Variants in DNAAF8 observed in about 807,000 individuals in gnomAD.
DNAAF8 encodes the protein dynein axonemal assembly factor 8.
DNAAF8 carries 61 observed loss-of-function variants against 54.6 expected under a neutral mutation model. The observed-to-expected ratio is 1.12, with a 90% CI of 0.91 to 1.38. The LOEUF (loss-of-function observed/expected upper bound fraction) is 1.38, where lower values mean the gene tolerates loss of function less well. Ranked by LOEUF, DNAAF8 falls within the 40% of genes most tolerant of loss-of-function variation. The pLI, the probability that DNAAF8 is intolerant of heterozygous loss-of-function variation, is 0.00. For synonymous variants in DNAAF8, 320 were observed against 270.1 expected (o/e 1.18, Z -1.81); for missense variants, 837 against 665.0 (o/e 1.26, Z -2.85).
intron 5 of DNAAF8, chr16:4,743,853 G>C (rs954425218): frequency 1.3e-5 from 2 of 150,970 alleles, no homozygotes; most frequent in East Asian, 1.9e-4. Context: ...TGGAGGACAT[G>C]TGTGTGCATG....
At chr16:4,737,178 G>A (rs1334424347) in intron 2 of DNAAF8, among the ~76,000 whole-genome samples, 1 of 152,210 alleles carries the variant, frequency 6.6e-6, no homozygotes, top group African/African-American at 2.4e-5. Context: ...TCAGTGCACA[G>A]GTTGGCACTG....
chr16:4,740,304 C>G lies in DNAAF8; in HGVS notation c.428C>G (p.Pro143Arg). The G allele has an allele frequency of 6.2e-7, 1 of 1,613,324 alleles. No homozygotes were observed. The highest frequency in any genetic ancestry group is 8.5e-7 in the Non-Finnish European group (1 of 1,179,940). ...GCTCTTCTTGGGATGGCCGAGGAGC[C>G]CCCCAGGTGGCTGGAAGGCGACCTT... is the stretch of plus-strand genomic sequence containing the variant. ...VSALLGMAEE[P>R]PRWLEGDLGS... Residue 143 changes from proline to arginine, a missense_variant, in exon 4 of 10, where the codon CCC becomes CGC. Transcript: ENST00000299320.
chr16:4,743,224 G>C, intron 5 of DNAAF8, 64 bp downstream of exon 5: 1 of 1,217,126 alleles, frequency 8.2e-7, no homozygotes, highest in Non-Finnish European at 1.2e-6. Flanking sequence ...GGGCCCCTCA[G>C]ACACAGAGGG....
intron 1 of DNAAF8, chr16:4,735,097 C>T (rs1051400948): frequency 2.6e-5 from 4 of 152,350 alleles, no homozygotes; most frequent in African/African-American, 9.7e-5. Flanking sequence ...GCAACTGACA[C>T]TTTCTTCCCT....
Position 4,736,511 on chromosome 16 carries a change from C to T in DNAAF8, c.-4C>T, listed in dbSNP as rs2081903470. Reference sequence around the variant, plus strand: ...TGAGAAGGCATCTGGAAGCCTGGGCCCTCATGGCATCCAACGATAAAGGCA... The same window carrying T: ...TGAGAAGGCATCTGGAAGCCTGGGCTCTCATGGCATCCAACGATAAAGGCA... On this transcript the variant is annotated 5_prime_UTR_variant, in exon 2 of 10. Coordinates refer to ENST00000299320, the MANE Select transcript of DNAAF8 (RefSeq NM_139170.3). 1.3e-6 allele frequency: 2 copies of T among 1,544,784 alleles called. No individual in the cohort carries two copies. The highest frequency in any genetic ancestry group is 2.7e-5 in the African/African-American group (2 of 73,082).
intron 5 of DNAAF8, 186 bp downstream of exon 5, chr16:4,743,346 G>A (rs1473022590): frequency 3.9e-6 from 2 of 510,246 alleles, no homozygotes; most frequent in Non-Finnish European, 6.8e-6. Context: ...CAACATATAT[G>A]TGACCGCCTG....
Position 4,743,148 on chromosome 16 carries a change from C to T in DNAAF8, c.889C>T (p.Arg297Cys), listed in dbSNP as rs774570763. ...AACTGTGTGGTGGGCAGCTGACCACCGCCAAGTTCAAGGTCTGACCTTGAA... is the reference window on the plus strand; with the variant it reads ...AACTGTGTGGTGGGCAGCTGACCACTGCCAAGTTCAAGGTCTGACCTTGAA... The part of the protein sequence containing the change: ...PGTVWWAADH[R>C]QVQDRMVPSA... The change falls in exon 5 of 10, where the codon CGC (arginine) becomes TGC (cysteine). Residue 297 changes from arginine to cysteine, a missense_variant. Transcript: ENST00000299320. 3.1e-5 allele frequency: 50 copies of T among 1,602,672 alleles called. No individual in the cohort carries two copies. Among genetic ancestry groups the T allele is most frequent in the East Asian group, 4.5e-5 (2 of 44,354 alleles).
intron 6 of DNAAF8, among the ~76,000 whole-genome samples, chr16:4,745,952 C>CA (rs58259917): frequency 0.48 from 54,135 of 113,226 alleles, 13,979 homozygotes; most frequent in East Asian, 0.67. Context: ...GACTCTGTCT[C>CA]AAAAAAAAAA....
intron 6 of DNAAF8, 132 bp from the exon 7 acceptor site, chr16:4,746,243 T>C (rs2082016150): frequency 1.4e-5 from 14 of 987,098 alleles, no homozygotes; most frequent in East Asian, 2.5e-5. Context: ...CAAATGTGTT[T>C]AATGTGCCCG....
chr16:4,740,008 A>C, intron 3 of DNAAF8, 145 bp from the exon 4 acceptor site: 1 of 1,002,892 alleles, frequency 1.0e-6, no homozygotes, highest in Non-Finnish European at 1.4e-6. Context: ...GCAGTGAGCT[A>C]TGATCGCACC....
chr16:4,747,343 G>T lies in DNAAF8; in HGVS notation c.1281G>T (p.Arg427=). The T allele has an allele frequency of 6.4e-7, 1 of 1,572,574 alleles. No homozygotes were observed. Among genetic ancestry groups the T allele is most frequent in the Non-Finnish European group, 8.6e-7 (1 of 1,157,424 alleles). The change falls in exon 9 of 10, where the codon CGG becomes CGT. Residue 427 remains arginine, a splice_region_variant and synonymous_variant. Coordinates refer to ENST00000299320, the MANE Select transcript of DNAAF8 (RefSeq NM_139170.3). ...TGAATTTGGTCTCATTGTGTCACAG[G>T]ACCTGTACCGGGAAAAGCCAGCTTC... ...EGASPSSLGL[R]TCTGKSQLLQ...
chr16:4,741,791 A>AT (rs2081963916), intron 4 of DNAAF8, among the ~76,000 whole-genome samples: 2 of 152,192 alleles, frequency 1.3e-5, no homozygotes, highest in Non-Finnish European at 2.9e-5. Context: ...TCAAAAAAAA[A>AT]GAAATTGGGA....
Position 4,736,595 on chromosome 16 carries a change from CA to C in DNAAF8, c.83del (p.Lys28ArgfsTer34). On this transcript the variant is annotated frameshift_variant, in exon 2 of 10. Coordinates refer to ENST00000299320, the MANE Select transcript of DNAAF8 (RefSeq NM_139170.3). LOFTEE classifies it high-confidence loss of function. ...SQMGPWDAIL[K>X]AVKDQLPSLD... Reference sequence around the variant, plus strand: ...AGATGGGGCCCTGGGATGCCATCCTCAAGGCTGTCAAAGACCAGCTCCCGTC... The same window carrying C: ...AGATGGGGCCCTGGGATGCCATCCTCAGGCTGTCAAAGACCAGCTCCCGTC... 1 of 1,590,428 alleles carries C rather than the reference CA, an allele frequency of 6.3e-7. No individual in the cohort carries two copies. The highest frequency in any genetic ancestry group is 1.1e-5 in the South Asian group (1 of 88,008).
At chr16:4,736,239 A>G (rs1374412765) in intron 1 of DNAAF8, among the ~76,000 whole-genome samples, 1 of 152,102 alleles carries the variant, frequency 6.6e-6, no homozygotes, top group Non-Finnish European at 1.5e-5. Context: ...ATCACTATAT[A>G]CATTATATAC....
In DNAAF8 at chr16:4,736,963, C is replaced by G. The variant is rs932056581; in HGVS notation, c.129+320C>G. ...ATTTGATGCAGAAGCTCTGTCCTTT[C>G]CATTCTGCTATTCTCCACTCTCTCG... On this transcript the variant is annotated intron_variant, in intron 2 of 9. Transcript: ENST00000299320. Among the ~76,000 whole-genome samples, 4 of 152,134 alleles carry G rather than the reference C, an allele frequency of 2.6e-5. No individual in the cohort carries two copies. The East Asian group carries it at 7.7e-4, about 29-fold the overall frequency.
At position 4,736,602 on chromosome 16, in the gene DNAAF8, G is replaced by A; in HGVS notation, c.88G>A (p.Val30Ile). The A allele has an allele frequency of 1.9e-6, 3 of 1,588,898 alleles. No individual in the cohort carries two copies. Among genetic ancestry groups the A allele is most frequent in the Non-Finnish European group, 2.6e-6 (3 of 1,165,574 alleles). The change falls in exon 2 of 10, where the codon GTC (valine) becomes ATC (isoleucine). Residue 30 changes from valine to isoleucine, a missense_variant. Coordinates refer to ENST00000299320, the MANE Select transcript of DNAAF8 (RefSeq NM_139170.3). ...GCCCTGGGATGCCATCCTCAAGGCT[G>A]TCAAAGACCAGCTCCCGTCTCTGGA... ...MGPWDAILKA[V>I]KDQLPSLDSD...
At chr16:4,742,606 G>A (rs1334337717) in intron 4 of DNAAF8, among the ~76,000 whole-genome samples, 1 of 151,012 alleles carries the variant, frequency 6.6e-6, no homozygotes, top group African/African-American at 2.4e-5. Context: ...TGTAATTCCA[G>A]CTACTTGGGA....
Position 4,747,020 on chromosome 16 carries a change from G to T in DNAAF8, c.1275G>T (p.Gly425=). The T allele has an allele frequency of 6.5e-7, 1 of 1,531,188 alleles. No homozygotes were observed. Among genetic ancestry groups the T allele is most frequent in the Non-Finnish European group, 8.7e-7 (1 of 1,143,954 alleles). 94.9% of individuals were successfully genotyped at this position (1,531,188 alleles called of 1,614,324 possible). A position where few individuals can be genotyped will look rare whatever the true frequency, so the allele number is the denominator to read the frequency against. The change falls in exon 8 of 10, where the codon GGG becomes GGT. Residue 425 remains glycine (G), a synonymous_variant. Transcript: ENST00000299320. ...AGGGGGCATCTCCTTCCTCCCTGGG[G>T]CTACGGTAACCACCCAGGGGCCTCT... The part of the protein sequence containing the change: ...DAEGASPSSL[G]LRTCTGKSQL...
chr16:4,741,702 G>C (rs553830719), intron 4 of DNAAF8, among the ~76,000 whole-genome samples: 5 of 152,218 alleles, frequency 3.3e-5, no homozygotes, highest in African/African-American at 1.2e-4. Flanking sequence ...GGGAGGCTGA[G>C]GCAGGAGAAT....
Sources: gnomAD v4.1 joint callset for allele counts (sites outside exome capture counted in the v4.1 genomes callset) on GRCh38, gnomAD v4.1.1 for gene constraint, MANE v1.5 for transcripts, NCBI Gene and HGNC (gene_info 2026-07-23, HGNC 2026-07-21) for gene names.